Variants in RYR3 observed in about 807,000 individuals in gnomAD.
RYR3 encodes brain ryanodine receptor-calcium release channel.
A neutral mutation model predicts 584.3 loss-of-function variants in RYR3; 207 were observed. The observed-to-expected ratio is 0.35, with a 90% confidence interval of 0.32 to 0.40. The LOEUF (loss-of-function observed/expected upper bound fraction) is 0.40, where lower values mean the gene tolerates loss of function less well. Ranked by LOEUF, RYR3 falls within the 10% of genes least tolerant of loss-of-function variation. The pLI, the probability that RYR3 is intolerant of heterozygous loss-of-function variation, is 1.00. For synonymous variants in RYR3, 2,416 were observed against 2,248.5 expected (o/e 1.07, Z -2.11); for missense variants, 5,616 against 6,089.2 (o/e 0.92, Z 2.59).
intron 81 of RYR3, among the ~76,000 whole-genome samples, chr15:33,823,528 A>G (rs1414331591): frequency 1.3e-5 from 2 of 152,200 alleles, no homozygotes; most frequent in Non-Finnish European, 2.9e-5. Flanking sequence ...TTGAGCTTGA[A>G]TATGTGTTAG....
chr15:33,354,850 G>A (rs1429406429), intron 1 of RYR3, among the ~76,000 whole-genome samples: 1 of 152,048 alleles, frequency 6.6e-6, no homozygotes, highest in Non-Finnish European at 1.5e-5. Context: ...ACCACCTTTC[G>A]GCAGCATTCA....
chr15:33,531,640 T>G (rs1377012267), intron 4 of RYR3, among the ~76,000 whole-genome samples: 1 of 103,874 alleles, frequency 9.6e-6, no homozygotes, highest in African/African-American at 2.8e-5. Flanking sequence ...AGCATATATA[T>G]ATATATATTT....
At chr15:33,592,334 G>T (rs1340566311) in intron 16 of RYR3, among the ~76,000 whole-genome samples, 1 of 152,194 alleles carries the variant, frequency 6.6e-6, no homozygotes, top group South Asian at 2.1e-4. Context: ...CTCTGATTCA[G>T]TAATTTCGGA....
chr15:33,546,282 A>AG (rs2056230762), intron 8 of RYR3, among the ~76,000 whole-genome samples: 1 of 152,130 alleles, frequency 6.6e-6, no homozygotes, highest in Non-Finnish European at 1.5e-5. Flanking sequence ...CTTCTCCTGA[A>AG]GGGATCCTTT....
At chr15:33,794,345 A>ATAACATATAT (rs1191833500) in intron 67 of RYR3, among the ~76,000 whole-genome samples, 2 of 135,316 alleles carry the variant, frequency 1.5e-5, no homozygotes, top group African/African-American at 2.7e-5. Context: ...TTATATATAT[A>ATAACATATAT]AAAATATATA....
At chr15:33,366,448 T>C (rs2141048983) in intron 1 of RYR3, among the ~76,000 whole-genome samples, 1 of 152,306 alleles carries the variant, frequency 6.6e-6, no homozygotes. Context: ...ATAATGGGGC[T>C]CATCTAAGAA....
intron 27 of RYR3, among the ~76,000 whole-genome samples, chr15:33,636,950 A>G (rs1407035650): frequency 6.6e-6 from 1 of 152,232 alleles, no homozygotes; most frequent in African/African-American, 2.4e-5. Context: ...GTCAGTCTGC[A>G]TGTTTGTGTA....
At chr15:33,720,558 T>C (rs2152805643) in intron 43 of RYR3, among the ~76,000 whole-genome samples, 1 of 152,342 alleles carries the variant, frequency 6.6e-6, no homozygotes, top group East Asian at 1.9e-4. Context: ...AAGAAGATTT[T>C]CTGGGTTCTC....
Position 33,670,548 on chromosome 15 carries a change from G to A in RYR3, c.5852G>A (p.Arg1951Lys), listed in dbSNP as rs747311900. 6.3e-7 allele frequency: 1 copy of A among 1,576,790 alleles called. No individual in the cohort carries two copies. The change falls in exon 38 of 104, where the codon AGA becomes AAA. Residue 1951 changes from arginine (R) to lysine (K), a missense_variant. Coordinates refer to ENST00000634891, the MANE Select transcript of RYR3 (RefSeq NM_001036.6). ...EKEQPTEEEE[R>K]CPTTLKELIS... is the part of the protein sequence containing the mutation. ...GAGCAGCCGACGGAGGAGGAGGAGA[G>A]ATGCCCCAGTAAGTGACATTGCCTT...
intron 57 of RYR3, 106 bp downstream of exon 57, chr15:33,750,392 T>G (rs1596421166): frequency 9.9e-6 from 11 of 1,110,710 alleles, no homozygotes; most frequent in Admixed American, 2.9e-5. Context: ...ATTGAGTCTT[T>G]TAAAATGAGA....
At position 33,859,632 on chromosome 15, in the gene RYR3, A is replaced by C; in HGVS notation, c.14200A>C (p.Ile4734Leu). The C allele has an allele frequency of 4.3e-6, 7 of 1,614,020 alleles. No homozygotes were observed. The highest frequency in any genetic ancestry group is 5.9e-6 in the Non-Finnish European group (7 of 1,179,894). ...VRAGGGIGDE[I>L]EDPAGDPYEM... ...AGCAGGAGGTGGCATTGGTGATGAA[A>C]TTGAAGACCCTGCTGGTGATCCTTA... Residue 4734 changes from isoleucine (I) to leucine (L), a missense_variant, in exon 100 of 104, where the codon ATT becomes CTT. Coordinates refer to ENST00000634891, the MANE Select transcript of RYR3 (RefSeq NM_001036.6).
intron 1 of RYR3, among the ~76,000 whole-genome samples, chr15:33,466,187 G>A (rs1217310430): frequency 6.6e-6 from 1 of 152,122 alleles, no homozygotes; most frequent in African/African-American, 2.4e-5. Context: ...ATCAAGAAGG[G>A]GAGAGTACAG....
At chr15:33,834,285 A>AAC (rs61059288) in intron 86 of RYR3, among the ~76,000 whole-genome samples, 4,565 of 136,874 alleles carry the variant, frequency 0.033, 91 homozygotes, top group Non-Finnish European at 0.036. Flanking sequence ...ATCTGTCTTA[A>AAC]ACACACACAC....
chr15:33,763,893 A>AAAAAC (rs960330732), intron 60 of RYR3, among the ~76,000 whole-genome samples: 2 of 61,252 alleles, frequency 3.3e-5, no homozygotes, highest in African/African-American at 2.2e-4. Context: ...ACTTCATCTC[A>AAAAAC]AAAAAAAAAA....
chr15:33,477,366 G>C (rs2049472977), intron 2 of RYR3, among the ~76,000 whole-genome samples: 1 of 151,918 alleles, frequency 6.6e-6, no homozygotes, highest in Non-Finnish European at 1.5e-5. Context: ...AAGAATAAAG[G>C]GCATGAGTAT....
At chr15:33,320,325 G>A (rs755535844) in intron 1 of RYR3, among the ~76,000 whole-genome samples, 74 of 152,188 alleles carry the variant, frequency 4.9e-4, no homozygotes, top group Non-Finnish European at 7.8e-4. Flanking sequence ...AATGAATTCA[G>A]ATCTTGCTAG....
intron 31 of RYR3, among the ~76,000 whole-genome samples, chr15:33,649,870 A>G (rs543176715): frequency 1.3e-5 from 2 of 152,340 alleles, no homozygotes; most frequent in African/African-American, 2.4e-5. Context: ...TGTGGTTTCC[A>G]TCTGTTCCCC....
At chr15:33,387,663 A>AC (rs937668984) in intron 1 of RYR3, among the ~76,000 whole-genome samples, 8 of 15,300 alleles carry the variant, frequency 5.2e-4, no homozygotes, top group South Asian at 4.5e-3. Context: ...ATGACCTCAC[A>AC]AAAAAAAAAC....
At chr15:33,726,961 G>A (rs2068512884) in intron 46 of RYR3, among the ~76,000 whole-genome samples, 1 of 152,234 alleles carries the variant, frequency 6.6e-6, no homozygotes, top group Non-Finnish European at 1.5e-5. Flanking sequence ...TCTGTGTCAG[G>A]ACAATTGTAC....
Sources: allele counts gnomAD v4.1 joint callset (sites outside exome capture counted in the v4.1 genomes callset), GRCh38; gene constraint gnomAD v4.1.1; transcripts MANE v1.5; gene names NCBI Gene and HGNC (gene_info 2026-07-23, HGNC 2026-07-21).